EFNA3: variants seen among roughly 807,000 people sequenced by gnomAD.
The protein encoded by EFNA3 is ephrin A3.
EFNA3 carries 15 observed loss-of-function variants against 25.0 expected under a neutral mutation model. That is an observed-to-expected ratio of 0.60 (90% CI 0.40 to 0.92). The LOEUF is 0.92. Ranked by LOEUF, EFNA3 falls within the 40% of genes least tolerant of loss-of-function variation. The pLI is 0.00. For missense variants in EFNA3, 298 were observed against 323.8 expected (o/e 0.92, Z 0.61); for synonymous variants, 153 against 145.6 (o/e 1.05, Z -0.37).
In EFNA3 at chr1:155,079,161, A is replaced by T; in HGVS notation, c.128+92A>T. On this transcript the variant is annotated intron_variant, in intron 1 of 4. Coordinates refer to ENST00000368408, the MANE Select transcript of EFNA3 (RefSeq NM_004952.5). The surrounding 1 kb of genome is among the most constrained non-coding windows in gnomAD (Gnocchi z 7.7). ...AAGTCCTGGGGGATCCCGGGGTGGG[A>T]GTCCTGGGAGACCAGAGCTGGGGGC... is the stretch of plus-strand genomic sequence containing the variant. 2 of 1,152,320 alleles carry T rather than the reference A, an allele frequency of 1.7e-6. No homozygotes were observed. The highest frequency in any genetic ancestry group is 3.8e-5 in the East Asian group (1 of 26,266). The allele number at this position is 1,152,320 out of a possible 1,614,324, so 71.4% of individuals were successfully genotyped here.
Position 155,079,041 on chromosome 1 carries a change from G to A in EFNA3, c.100G>A (p.Ala34Thr). The A allele has an allele frequency of 3.6e-6, 5 of 1,406,338 alleles. No individual in the cohort carries two copies. Among genetic ancestry groups the A allele is most frequent in the East Asian group, 3.1e-5 (1 of 32,750 alleles). The allele number at this position is 1,406,338 out of a possible 1,614,324, so 87.1% of individuals were successfully genotyped here. The change falls in exon 1 of 5, where the codon GCG becomes ACG. Residue 34 changes from alanine to threonine, a missense_variant. By Grantham distance (58) the Ala-to-Thr change is moderately conservative. Coordinates refer to ENST00000368408, the MANE Select transcript of EFNA3 (RefSeq NM_004952.5). This position sits in a 1 kb window ranked among gnomAD's most constrained non-coding sequence, Gnocchi z 7.7. ...GPGGALGNRH[A>T]VYWNSSNQHL... The stretch of plus-strand genomic sequence containing the variant: ...CGGAGGGGCGCTGGGAAACCGGCAT[G>A]CGGTGTACTGGAACAGCTCCAACCA...
chr1:155,086,103 T>TG, intron 3 of EFNA3, 25 bp from the exon 4 acceptor site: 275 of 1,576,726 alleles, frequency 1.7e-4, no homozygotes, highest in Non-Finnish European at 2.2e-4. Flanking sequence ...CCCTCCTCTC[T>TG]CCCCACCCGC....
chr1:155,078,909 A>C lies in EFNA3; in HGVS notation c.-33A>C. On this transcript the variant is annotated 5_prime_UTR_variant, in exon 1 of 5. Transcript: ENST00000368408. ...CGGAGAAGCCGGGAGCGCGGGGCTC[A>C]GTCGGGGGGCGGCGGCGGCGGCGGC... The C allele has an allele frequency of 7.4e-7, 1 of 1,360,154 alleles. No homozygotes were observed. The highest frequency in any genetic ancestry group is 9.5e-7 in the Non-Finnish European group (1 of 1,057,954). 84.3% of individuals were successfully genotyped at this position (1,360,154 alleles called of 1,614,324 possible). A position where few individuals can be genotyped will look rare whatever the true frequency, so the allele number is the denominator to read the frequency against.
chr1:155,086,245 C>G, intron 4 of EFNA3, 40 bp downstream of exon 4: 1 of 1,605,206 alleles, frequency 6.2e-7, no homozygotes, highest in Non-Finnish European at 8.5e-7. Flanking sequence ...ACTGCTGGAA[C>G]CGCAGCCCCC....
At chr1:155,084,548 G>A (rs1018201456) in intron 1 of EFNA3, among the ~76,000 whole-genome samples, 1 of 152,238 alleles carries the variant, frequency 6.6e-6, no homozygotes, top group Non-Finnish European at 1.5e-5. Flanking sequence ...GTAAGGGCAG[G>A]TCCTGTTGGA....
intron 4 of EFNA3, 64 bp from the exon 5 acceptor site, chr1:155,086,349 C>T: frequency 6.2e-7 from 1 of 1,602,644 alleles, no homozygotes; most frequent in East Asian, 2.2e-5. Context: ...ATTGCTGCTG[C>T]CGCGTGCCCC....
Position 155,086,398 on chromosome 1 carries a change from T to G in EFNA3, c.587-15T>G. The G allele has an allele frequency of 6.2e-7, 1 of 1,613,612 alleles. No individual in the cohort carries two copies. The highest frequency in any genetic ancestry group is 1.3e-5 in the African/African-American group (1 of 75,012). On this transcript the variant is annotated splice_polypyrimidine_tract_variant and intron_variant, in intron 4 of 4. Transcript: ENST00000368408. ...AACCCAGCCCTCACCAGTCTGTCTGTTCCTCTGTCCACAGAAGACTTTGAG... is the reference window on the plus strand; with the variant it reads ...AACCCAGCCCTCACCAGTCTGTCTGGTCCTCTGTCCACAGAAGACTTTGAG...
chr1:155,084,281 G>A (rs1026105495), intron 1 of EFNA3, among the ~76,000 whole-genome samples: 1 of 152,212 alleles, frequency 6.6e-6, no homozygotes, highest in Non-Finnish European at 1.5e-5. Context: ...AAGTTCCTGG[G>A]AGCCTAACTG....
intron 1 of EFNA3, among the ~76,000 whole-genome samples, chr1:155,083,948 C>T (rs1156993233): frequency 6.6e-6 from 1 of 152,212 alleles, no homozygotes; most frequent in Non-Finnish European, 1.5e-5. Flanking sequence ...GTTTCTTTCT[C>T]CATTCAGAGG....
In EFNA3 at chr1:155,080,782, C is replaced by T. The variant is rs1558144381; in HGVS notation, c.128+1713C>T. Among the ~76,000 whole-genome samples the T allele has an allele frequency of 6.6e-6, 1 of 152,210 alleles. No individual in the cohort carries two copies. Among genetic ancestry groups the T allele is most frequent in the Non-Finnish European group, 1.5e-5 (1 of 68,020 alleles). On this transcript the variant is annotated intron_variant, in intron 1 of 4. Transcript: ENST00000368408. The surrounding 1 kb of genome is among the most constrained non-coding windows in gnomAD (Gnocchi z 7.0). The stretch of plus-strand genomic sequence containing the variant: ...GTTCCGGGAGCCTCCTTTCTGTCCT[C>T]TCTACTCCGTGCGGGCCTGGGCCGG...
chr1:155,085,439 G>T lies in EFNA3; in HGVS notation c.442+35G>T. 1.3e-6 allele frequency: 2 copies of T among 1,512,628 alleles called. No homozygotes were observed. The highest frequency in any genetic ancestry group is 1.8e-4 in the Middle Eastern group (1 of 5,530). The allele number at this position is 1,512,628 out of a possible 1,614,324, so 93.7% of individuals were successfully genotyped here. On this transcript the variant is annotated intron_variant, in intron 2 of 4. Transcript: ENST00000368408. This position sits in a 1 kb window ranked among gnomAD's most constrained non-coding sequence, Gnocchi z 4.4. The stretch of plus-strand genomic sequence containing the variant: ...GGCGGCCGGGCGGGCGGGTCTGAAC[G>T]CGAGAGTCTGAGTGACAGCCGGGGG...
intron 1 of EFNA3, among the ~76,000 whole-genome samples, chr1:155,083,926 C>G (rs949280323): frequency 1.3e-5 from 2 of 152,208 alleles, no homozygotes; most frequent in Non-Finnish European, 2.9e-5. Flanking sequence ...AAAACTCCTG[C>G]CCCCTCTCCG....
intron 1 of EFNA3, among the ~76,000 whole-genome samples, chr1:155,083,945 T>C (rs1392903387): frequency 1.3e-5 from 2 of 152,182 alleles, no homozygotes; most frequent in African/African-American, 4.8e-5. Context: ...CGAGTTTCTT[T>C]CTCCATTCAG....
chr1:155,085,582 G>A lies in EFNA3; in HGVS notation c.442+178G>A. The A allele has an allele frequency of 2.5e-6, 2 of 812,266 alleles. No homozygotes were observed. Among genetic ancestry groups the A allele is most frequent in the South Asian group, 1.8e-5 (1 of 54,082 alleles). 50.3% of individuals were successfully genotyped at this position (812,266 alleles called of 1,614,324 possible). ...AGGGGTTCAGCTCAGACGAGGTCGT[G>A]GGGCCAAGAGAGGAGTTTGGTGACA... On this transcript the variant is annotated intron_variant, in intron 2 of 4. Coordinates refer to ENST00000368408, the MANE Select transcript of EFNA3 (RefSeq NM_004952.5). The surrounding 1 kb of genome is among the most constrained non-coding windows in gnomAD (Gnocchi z 4.4).
In EFNA3 at chr1:155,086,425, G is replaced by A. The variant is rs985996821; in HGVS notation, c.599G>A (p.Gly200Glu). The change falls in exon 5 of 5, where the codon GGA becomes GAA. Residue 200 changes from glycine to glutamate, a missense_variant. Coordinates refer to ENST00000368408, the MANE Select transcript of EFNA3 (RefSeq NM_004952.5). Reference protein sequence around the residue: ...VKINVLEDFEGENPQVPKLEK... With the variant: ...VKINVLEDFEEENPQVPKLEK... ...CCTCTGTCCACAGAAGACTTTGAGG[G>A]AGAGAACCCTCAGGTGCCCAAGCTT... 15 of 1,613,976 alleles carry A rather than the reference G, an allele frequency of 9.3e-6. No individual in the cohort carries two copies. The highest frequency in any genetic ancestry group is 1.3e-5 in the Non-Finnish European group (15 of 1,179,982).
intron 1 of EFNA3, among the ~76,000 whole-genome samples, chr1:155,083,869 C>G (rs1663389308): frequency 6.6e-6 from 1 of 152,208 alleles, no homozygotes; most frequent in Non-Finnish European, 1.5e-5. Context: ...CCACCACTCT[C>G]CTTGCACTGC....
In EFNA3 at chr1:155,086,226, C is replaced by G; in HGVS notation, c.586+21C>G. ...GCTGGGTGAGTCTGCGCAGCGCCCTCTGGTGGCCACTGCTGGAACCGCAGC... is the reference window on the plus strand; with the variant it reads ...GCTGGGTGAGTCTGCGCAGCGCCCTGTGGTGGCCACTGCTGGAACCGCAGC... On this transcript the variant is annotated intron_variant, in intron 4 of 4. Transcript: ENST00000368408. 5 of 1,613,120 alleles carry G rather than the reference C, an allele frequency of 3.1e-6. No individual in the cohort carries two copies. In the South Asian group the frequency reaches 5.5e-5, roughly 18 times the overall value.
At position 155,081,001 on chromosome 1, in the gene EFNA3, G is replaced by A. The variant is rs527794964; in HGVS notation, c.128+1932G>A. Among the ~76,000 whole-genome samples, 4 of 152,126 alleles carry A rather than the reference G, an allele frequency of 2.6e-5. No homozygotes were observed. Among genetic ancestry groups the A allele is most frequent in the South Asian group, 2.1e-4 (1 of 4,820 alleles). Reference sequence around the variant, plus strand: ...CGGGGAGCTGGGGGCGGGGCCGACCGAGCCACAGGCTCCCGCGCCCCCTCC... The same window carrying A: ...CGGGGAGCTGGGGGCGGGGCCGACCAAGCCACAGGCTCCCGCGCCCCCTCC... On this transcript the variant is annotated intron_variant, in intron 1 of 4. Transcript: ENST00000368408. This position sits in a 1 kb window ranked among gnomAD's most constrained non-coding sequence, Gnocchi z 5.2.
chr1:155,086,737 G>C lies in EFNA3; in HGVS notation c.*194G>C. On this transcript the variant is annotated 3_prime_UTR_variant, in exon 5 of 5. Coordinates refer to ENST00000368408, the MANE Select transcript of EFNA3 (RefSeq NM_004952.5). ...TAGGGCACTGTAGTGGACCAAGCAC[G>C]GGGACAGCCATGGGTCCCGGGCGGC... is the stretch of plus-strand genomic sequence containing the variant. The C allele has an allele frequency of 1.5e-6, 1 of 676,410 alleles. No individual in the cohort carries two copies. The highest frequency in any genetic ancestry group is 3.2e-5 in the Admixed American group (1 of 31,278). The allele number at this position is 676,410 out of a possible 1,614,324, so 41.9% of individuals were successfully genotyped here.
Sources: gnomAD v4.1 joint callset for allele counts (sites outside exome capture counted in the v4.1 genomes callset) on GRCh38, gnomAD v4.1.1 for gene constraint, Gnocchi (gnomAD v3.1) non-coding constraint, MANE v1.5 for transcripts, NCBI Gene and HGNC (gene_info 2026-07-23, HGNC 2026-07-21) for gene names.